HAVCR1: variants seen among roughly 807,000 people sequenced by gnomAD.
The protein encoded by HAVCR1 is hepatitis A virus cellular receptor 1.
Under a neutral mutation model 32.0 loss-of-function variants are expected in HAVCR1, and 34 were observed. The observed-to-expected ratio is 1.06, with a 90% confidence interval of 0.81 to 1.42. The LOEUF (loss-of-function observed/expected upper bound fraction) is 1.42. Among genes scored for constraint, HAVCR1 ranks in the 40% most tolerant of loss-of-function variants. HAVCR1 has a pLI of 0.00. For synonymous variants in HAVCR1, 178 were observed against 170.3 expected, an observed-to-expected ratio of 1.05 and a Z score of -0.35; for missense variants, 420 against 442.3, an observed-to-expected ratio of 0.95 and a Z score of 0.45.
At chr5:157,065,972 C>A in the HAVCR1 span, among the ~76,000 whole-genome samples, 15 of 148,876 alleles carry the variant, frequency 1.0e-4, no homozygotes, top group African/African-American at 3.7e-4. Flanking sequence ...AGGAGAATGG[C>A]GTGAACCTGG....
intron 5 of HAVCR1, among the ~76,000 whole-genome samples, chr5:157,045,676 ATC>A (rs1364475953): frequency 6.6e-6 from 1 of 152,154 alleles, no homozygotes; most frequent in African/African-American, 2.4e-5. Context: ...TGGCACATAC[ATC>A]TGTCAAAGGT....
chr5:157,044,615 GAGAAAGAAAGAAAGAAAGAAAGAAAGAA>G (rs1554090477), intron 5 of HAVCR1, among the ~76,000 whole-genome samples: 4 of 52,658 alleles, frequency 7.6e-5, no homozygotes, highest in Non-Finnish European at 1.6e-4. Flanking sequence ...AAGAAAGAAA[GAGAAAGAAAGAAAGAAAGAAAGAAAGAA>G]AGAAAGAAAG....
chr5:157,062,909 T>G (rs537240655), upstream of HAVCR1, among the ~76,000 whole-genome samples: 9 of 151,890 alleles, frequency 5.9e-5, no homozygotes, highest in Non-Finnish European at 1.2e-4. Flanking sequence ...CACTTGAGGT[T>G]AGGAGTTCAA....
intron 6 of HAVCR1, 90 bp from the exon 7 acceptor site, chr5:157,037,451 A>C: frequency 4.4e-6 from 3 of 686,508 alleles, no homozygotes; most frequent in Non-Finnish European, 7.8e-6. Context: ...AGCCACATTT[A>C]CCTGTATTGG....
At chr5:157,065,633 T>C in the HAVCR1 span, among the ~76,000 whole-genome samples, 155 of 152,238 alleles carry the variant, frequency 1.0e-3, 5 homozygotes, top group East Asian at 0.027. Flanking sequence ...GGCAGGCTGA[T>C]CACTTGAGGT....
At chr5:157,061,535 C>T (rs1756488645), upstream of HAVCR1, among the ~76,000 whole-genome samples, 1 of 151,822 alleles carries the variant, frequency 6.6e-6, no homozygotes, top group Admixed American at 6.6e-5. Flanking sequence ...TGGTGAAACC[C>T]AACTCTACCA....
At chr5:157,043,394 G>A (rs961978295) in intron 5 of HAVCR1, among the ~76,000 whole-genome samples, 6 of 152,122 alleles carry the variant, frequency 3.9e-5, no homozygotes, top group African/African-American at 1.4e-4. Context: ...GCCAGGCATG[G>A]GTGGCTCATG....
intron 5 of HAVCR1, among the ~76,000 whole-genome samples, chr5:157,048,778 C>T (rs1447132650): frequency 6.6e-6 from 1 of 151,870 alleles, no homozygotes; most frequent in Non-Finnish European, 1.5e-5. Flanking sequence ...TGCAGTGAGC[C>T]GAGATCGTGC....
intron 6 of HAVCR1, among the ~76,000 whole-genome samples, chr5:157,039,172 T>C (rs989615353): frequency 6.6e-6 from 1 of 152,196 alleles, no homozygotes; most frequent in Non-Finnish European, 1.5e-5. Context: ...ACTTTTGCCA[T>C]TTTGCTTTAT....
In HAVCR1 at chr5:157,029,767, A is replaced by C; in HGVS notation, c.1061T>G (p.Ile354Ser). Residue 354 changes from isoleucine to serine, a missense_variant, in exon 9 of 9, where the codon ATC becomes AGC. Transcript: ENST00000523175. ...GGCATAAAGACTATTCTCAATGTAG[A>C]TATTGTCTTCTGCTTGGACTTCCTT... ...VEKEVQAEDN[I>S]YIENSLYATD 6.2e-7 allele frequency: 1 copy of C among 1,612,012 alleles called. No individual in the cohort carries two copies. Among genetic ancestry groups the C allele is most frequent in the Non-Finnish European group, 8.5e-7 (1 of 1,178,920 alleles).
chr5:157,034,867 C>T (rs758411007), intron 7 of HAVCR1, among the ~76,000 whole-genome samples: 7 of 152,124 alleles, frequency 4.6e-5, no homozygotes, highest in Non-Finnish European at 1.0e-4. Flanking sequence ...GTTAGGGTTA[C>T]AGATTAACAG....
upstream of HAVCR1, among the ~76,000 whole-genome samples, chr5:157,060,610 A>G (rs939813090): frequency 1.3e-5 from 2 of 152,102 alleles, no homozygotes; most frequent in Non-Finnish European, 2.9e-5. Flanking sequence ...TCCCTCCTAT[A>G]GAGTGCTGCC....
rs1756321948 is a variant in HAVCR1 at position 157,057,955 on chromosome 5, C to A, written c.-12G>T. On this transcript the variant is annotated splice_region_variant and 5_prime_UTR_variant, in exon 2 of 9. Transcript: ENST00000523175. ...ACTTGAGGATGCATTATGGGATCAG[C>A]CTGAAGGAAAATGAGCAGACAGGCT... The A allele has an allele frequency of 3.1e-6, 5 of 1,612,316 alleles. No individual in the cohort carries two copies. The East Asian group carries it at 1.1e-4, about 36-fold the overall frequency.
chr5:157,040,026 G>A (rs995079993), intron 6 of HAVCR1, among the ~76,000 whole-genome samples: 11 of 152,198 alleles, frequency 7.2e-5, no homozygotes, highest in Non-Finnish European at 1.6e-4. Flanking sequence ...GCCAGGCGCG[G>A]TAGCTCACGT....
At chr5:157,056,076 A>G (rs1419253533) in intron 2 of HAVCR1, among the ~76,000 whole-genome samples, 2 of 151,722 alleles carry the variant, frequency 1.3e-5, no homozygotes, top group Admixed American at 1.3e-4. Flanking sequence ...CAGCCTCCCA[A>G]GTAGCTGGGA....
intron 7 of HAVCR1, among the ~76,000 whole-genome samples, chr5:157,035,516 G>A (rs1014114614): frequency 3.9e-5 from 6 of 152,064 alleles, no homozygotes; most frequent in African/African-American, 1.4e-4. Flanking sequence ...GAAGACTTTT[G>A]TTTTACTTTT....
At chr5:157,052,245 T>A in intron 4 of HAVCR1, 116 bp downstream of exon 4, 2 of 881,570 alleles carry the variant, frequency 2.3e-6, no homozygotes, top group Non-Finnish European at 3.6e-6. Flanking sequence ...AGACCCTGAT[T>A]GAAACCCAGG....
At chr5:157,067,815 T>TA in the HAVCR1 span, among the ~76,000 whole-genome samples, 1 of 152,142 alleles carries the variant, frequency 6.6e-6, no homozygotes. Flanking sequence ...CAGCTGGAAT[T>TA]ACAGGCATGT....
the HAVCR1 span, among the ~76,000 whole-genome samples, chr5:157,068,444 G>A: frequency 1.5e-4 from 22 of 151,712 alleles, no homozygotes; most frequent in African/African-American, 5.3e-4. Context: ...TTAATTAGCC[G>A]GGCATGGTGA....
Sources: allele counts gnomAD v4.1 joint callset (sites outside exome capture counted in the v4.1 genomes callset), GRCh38; gene constraint gnomAD v4.1.1; transcripts MANE v1.5; gene names NCBI Gene and HGNC (gene_info 2026-07-23, HGNC 2026-07-21).